ELF1: variants seen among roughly 807,000 people sequenced by gnomAD.
The protein encoded by ELF1 is ETS-related transcription factor Elf-1.
A neutral mutation model predicts 59.9 loss-of-function variants in ELF1; 24 were observed. The observed-to-expected ratio is 0.40, with a 90% confidence interval of 0.29 to 0.56. The LOEUF (loss-of-function observed/expected upper bound fraction) is 0.56. Among genes scored for constraint, ELF1 ranks in the 20% least tolerant of loss-of-function variants. The pLI is 0.44. For missense variants in ELF1, 627 were observed against 742.2 expected (o/e 0.84, Z 1.80); for synonymous variants, 248 against 266.2 (o/e 0.93, Z 0.67).
At chr13:41,009,572 A>AG (rs1287621926) in intron 1 of ELF1, among the ~76,000 whole-genome samples, 4 of 152,276 alleles carry the variant, frequency 2.6e-5, no homozygotes, top group African/African-American at 9.6e-5. Context: ...ATAAAAACAC[A>AG]GGGGGGCTAT....
At chr13:41,027,967 A>G (rs1369857856) in intron 1 of ELF1, among the ~76,000 whole-genome samples, 2 of 152,186 alleles carry the variant, frequency 1.3e-5, no homozygotes, top group Admixed American at 6.5e-5. Context: ...CATCCACTAC[A>G]TGGTACTGTT....
chr13:40,943,242 TACAA>T, intron 6 of ELF1, 98 bp from the exon 7 acceptor site: 1 of 1,034,958 alleles, frequency 9.7e-7, no homozygotes, highest in Non-Finnish European at 1.3e-6. Context: ...TTTATATTTA[TACAA>T]AAATATTACA....
intron 1 of ELF1, among the ~76,000 whole-genome samples, chr13:40,985,772 T>C (rs755859041): frequency 6.6e-5 from 10 of 152,228 alleles, no homozygotes; most frequent in Non-Finnish European, 1.5e-4. Flanking sequence ...TGTTCTAACC[T>C]AACAAATTGA....
At chr13:40,943,199 C>A in intron 6 of ELF1, 55 bp from the exon 7 acceptor site, 2 of 1,393,694 alleles carry the variant, frequency 1.4e-6, no homozygotes, top group Non-Finnish European at 1.9e-6. Flanking sequence ...AAAAGAACCT[C>A]AAAAAAGACA....
chr13:41,047,523 T>C (rs1382691303), intron 1 of ELF1, among the ~76,000 whole-genome samples: 1 of 152,210 alleles, frequency 6.6e-6, no homozygotes, highest in Non-Finnish European at 1.5e-5. Context: ...TGCAGGTCTG[T>C]TGGAGTTTGC....
At chr13:41,060,198 C>G (rs868660773) in intron 1 of ELF1, among the ~76,000 whole-genome samples, 6 of 152,170 alleles carry the variant, frequency 3.9e-5, no homozygotes, top group Admixed American at 2.0e-4. Context: ...GCGCGTCCCC[C>G]CGGGAGGGCG....
chr13:41,035,610 G>C (rs1288735087), intron 1 of ELF1, among the ~76,000 whole-genome samples: 1 of 151,572 alleles, frequency 6.6e-6, no homozygotes. Context: ...TCTGTAAAGA[G>C]AGAATAGCTT....
intron 1 of ELF1, among the ~76,000 whole-genome samples, chr13:41,056,126 A>T (rs541351207): frequency 6.6e-6 from 1 of 152,264 alleles, no homozygotes; most frequent in East Asian, 1.9e-4. Flanking sequence ...ACTTTCAATC[A>T]CCCTAAATTT....
At chr13:40,995,574 G>C (rs919873380) in intron 1 of ELF1, among the ~76,000 whole-genome samples, 1 of 151,698 alleles carries the variant, frequency 6.6e-6, no homozygotes, top group Non-Finnish European at 1.5e-5. Context: ...CATAAATATA[G>C]TCAACCATCT....
intron 1 of ELF1, among the ~76,000 whole-genome samples, chr13:40,986,067 T>C (rs985955626): frequency 6.6e-6 from 1 of 152,184 alleles, no homozygotes; most frequent in Non-Finnish European, 1.5e-5. Context: ...GTGAGGACCA[T>C]ATTCTTATTC....
At chr13:40,959,512 AAAT>A (rs1238134694) in intron 2 of ELF1, among the ~76,000 whole-genome samples, 2 of 152,108 alleles carry the variant, frequency 1.3e-5, no homozygotes, top group Admixed American at 6.5e-5. Context: ...TAAATAAAAT[AAAT>A]AATAATAATA....
At chr13:40,962,492 G>A (rs945374426) in intron 2 of ELF1, among the ~76,000 whole-genome samples, 6 of 151,750 alleles carry the variant, frequency 4.0e-5, no homozygotes, top group Admixed American at 1.3e-4. Flanking sequence ...AGATCAGCCT[G>A]GCCAACACGG....
chr13:40,946,909 G>C (rs1046094789), intron 5 of ELF1, among the ~76,000 whole-genome samples: 1 of 152,148 alleles, frequency 6.6e-6, no homozygotes, highest in Non-Finnish European at 1.5e-5. Context: ...TGGCTGCAGA[G>C]GCTGACGGCC....
At chr13:41,030,166 A>C (rs1876104826) in intron 1 of ELF1, among the ~76,000 whole-genome samples, 1 of 152,136 alleles carries the variant, frequency 6.6e-6, no homozygotes. Context: ...AGTAGAAAAG[A>C]TGAGGCATAA....
At chr13:40,935,127 T>C (rs1226071884) in intron 8 of ELF1, among the ~76,000 whole-genome samples, 1 of 152,220 alleles carries the variant, frequency 6.6e-6, no homozygotes, top group Non-Finnish European at 1.5e-5. Context: ...ATCCCACTCA[T>C]TGAAGAGAAA....
intron 3 of ELF1, among the ~76,000 whole-genome samples, chr13:40,955,741 G>A (rs1348039747): frequency 4.8e-5 from 6 of 124,264 alleles, no homozygotes; most frequent in South Asian, 5.2e-4. Context: ...TCAGCCCCCC[G>A]CCCGGCCAGC....
chr13:41,043,293 A>G (rs1209566565), intron 1 of ELF1, among the ~76,000 whole-genome samples: 3 of 152,168 alleles, frequency 2.0e-5, no homozygotes, highest in Non-Finnish European at 4.4e-5. Flanking sequence ...TGCTGTGAAG[A>G]AGCTCTTTAG....
chr13:40,955,000 G>A (rs1871142412), intron 3 of ELF1, among the ~76,000 whole-genome samples: 1 of 149,814 alleles, frequency 6.7e-6, no homozygotes, highest in Non-Finnish European at 1.5e-5. Context: ...TCTAGGAAGT[G>A]AGGAGCGTCT....
chr13:41,056,292 G>A (rs1441244873), intron 1 of ELF1, among the ~76,000 whole-genome samples: 1 of 152,176 alleles, frequency 6.6e-6, no homozygotes, highest in African/African-American at 2.4e-5. Context: ...ACTCCTTAGT[G>A]TAATGTTCTT....
Sources: allele counts gnomAD v4.1 joint callset (sites outside exome capture counted in the v4.1 genomes callset), GRCh38; gene constraint gnomAD v4.1.1; transcripts MANE v1.5; gene names NCBI Gene and HGNC (gene_info 2026-07-23, HGNC 2026-07-21).